The following LHFPL3 variants were observed in gnomAD, a reference collection of about 807,000 sequenced individuals.
The protein encoded by LHFPL3 is LHFPL tetraspan subfamily member 3 protein.
Under a neutral mutation model 19.3 loss-of-function variants are expected in LHFPL3, and 5 were observed. The ratio of observed to expected loss-of-function variants is 0.26; its 90% CI spans 0.14 to 0.54. The LOEUF (loss-of-function observed/expected upper bound fraction) is 0.54, where lower values mean the gene tolerates loss of function less well. LHFPL3 is among the 20% of genes least tolerant of loss of function. The pLI, the probability that LHFPL3 is intolerant of heterozygous loss-of-function variation, is 0.94. For synonymous variants in LHFPL3, 133 were observed against 126.2 expected (o/e 1.05, Z -0.36); for missense variants, 249 against 307.4 (o/e 0.81, Z 1.42).
At chr7:104,564,502 A>C (rs1790080985) in intron 1 of LHFPL3, among the ~76,000 whole-genome samples, 3 of 152,210 alleles carry the variant, frequency 2.0e-5, no homozygotes, top group Admixed American at 2.0e-4. Flanking sequence ...CACATATTTG[A>C]ATAATATTAT....
chr7:104,514,184 C>G (rs1010438130), intron 1 of LHFPL3, among the ~76,000 whole-genome samples: 1 of 151,388 alleles, frequency 6.6e-6, no homozygotes, highest in African/African-American at 2.4e-5. Flanking sequence ...ATTCAAGAAG[C>G]TCTCTCTCTC....
intron 1 of LHFPL3, among the ~76,000 whole-genome samples, chr7:104,622,076 G>C (rs2115806623): frequency 6.6e-6 from 1 of 152,146 alleles, no homozygotes; most frequent in Non-Finnish European, 1.5e-5. Flanking sequence ...TCCAAAGTTG[G>C]CTGCAACAAT....
intron 2 of LHFPL3, among the ~76,000 whole-genome samples, chr7:104,774,856 T>G (rs1794614832): frequency 6.6e-6 from 1 of 152,182 alleles, no homozygotes; most frequent in Admixed American, 6.5e-5. Context: ...GCAAAACATA[T>G]GAGTTTTAGC....
At chr7:104,788,086 G>A (rs558419600) in intron 2 of LHFPL3, among the ~76,000 whole-genome samples, 3 of 152,304 alleles carry the variant, frequency 2.0e-5, no homozygotes, top group South Asian at 2.1e-4. Flanking sequence ...ATGTGGTGCC[G>A]TAGGAAGAAT....
intron 2 of LHFPL3, among the ~76,000 whole-genome samples, chr7:104,854,116 G>A (rs941354029): frequency 2.6e-5 from 4 of 152,236 alleles, no homozygotes; most frequent in African/African-American, 4.8e-5. Flanking sequence ...ATAACTTCAC[G>A]TATACATAGG....
chr7:104,815,592 AT>A (rs2116511294), intron 2 of LHFPL3, among the ~76,000 whole-genome samples: 1 of 152,298 alleles, frequency 6.6e-6, no homozygotes, highest in South Asian at 2.1e-4. Context: ...CATTACAATG[AT>A]TTACCCAAAG....
chr7:104,633,028 G>T (rs1562954590), intron 1 of LHFPL3, among the ~76,000 whole-genome samples: 2 of 152,076 alleles, frequency 1.3e-5, no homozygotes, highest in Non-Finnish European at 2.9e-5. Context: ...AGAATACGTG[G>T]TTTTTTTAAG....
rs145609097 is a variant in LHFPL3 at position 104,593,335 on chromosome 7, G to C, written c.446-143340G>C. Among the ~76,000 whole-genome samples the C allele has an allele frequency of 4.1e-3, 619 of 152,304 alleles. 33 individuals are homozygous for C. The East Asian group carries it at 0.099, about 24-fold the overall frequency. ...CAGGAGCAGGTTGTTCAGTTTCGAT[G>C]TAGTTGAGTGGTTTTGAGTGAGTTT... is the stretch of plus-strand genomic sequence containing the variant. On this transcript the variant is annotated intron_variant, in intron 1 of 2. Transcript: ENST00000424859.
chr7:104,718,518 T>A (rs897518439), intron 1 of LHFPL3, among the ~76,000 whole-genome samples: 1 of 152,176 alleles, frequency 6.6e-6, no homozygotes, highest in Non-Finnish European at 1.5e-5. Context: ...TGGCCTTGTC[T>A]AATTTCAGCC....
At chr7:104,568,199 A>G (rs1348219152) in intron 1 of LHFPL3, among the ~76,000 whole-genome samples, 1 of 152,094 alleles carries the variant, frequency 6.6e-6, no homozygotes, top group African/African-American at 2.4e-5. Flanking sequence ...TCACATTCAG[A>G]CTCTATAAAG....
intron 1 of LHFPL3, among the ~76,000 whole-genome samples, chr7:104,728,741 C>T (rs75218722): frequency 1.2e-4 from 19 of 152,198 alleles, no homozygotes; most frequent in Non-Finnish European, 2.1e-4. Flanking sequence ...ACTCATTTTT[C>T]GCCTCTTCTC....
At chr7:104,796,181 C>T (rs139285913) in intron 2 of LHFPL3, among the ~76,000 whole-genome samples, 4 of 152,318 alleles carry the variant, frequency 2.6e-5, no homozygotes, top group African/African-American at 7.2e-5. Context: ...GAAGTCACAA[C>T]GCTCCTGGTG....
chr7:104,554,899 C>G (rs1467486531), intron 1 of LHFPL3, among the ~76,000 whole-genome samples: 1 of 152,128 alleles, frequency 6.6e-6, no homozygotes, highest in East Asian at 1.9e-4. Context: ...AGTGAAAGTC[C>G]CAGAGTCAGA....
chr7:104,675,850 C>T (rs1584475203), intron 1 of LHFPL3, among the ~76,000 whole-genome samples: 1 of 151,940 alleles, frequency 6.6e-6, no homozygotes, highest in South Asian at 2.1e-4. Context: ...CAGGACTTCC[C>T]TTTTAGATAT....
chr7:104,692,470 G>C (rs1007078476), intron 1 of LHFPL3, among the ~76,000 whole-genome samples: 1 of 152,238 alleles, frequency 6.6e-6, no homozygotes, highest in Admixed American at 6.5e-5. Context: ...CCAGGGTCTT[G>C]CTGCTTTGTG....
In LHFPL3 at chr7:104,631,407, C is replaced by T. The variant is rs527301264; in HGVS notation, c.446-105268C>T. On this transcript the variant is annotated intron_variant, in intron 1 of 2. Transcript: ENST00000424859. ...ATTGGCCCTTGAAAGGAGCATGACC[C>T]GTGGCTGAGAATCAGTGGTCAAAAC... 4.6e-5 allele frequency among the ~76,000 whole-genome samples: 7 copies of T among 152,130 alleles called. No individual in the cohort carries two copies. In the South Asian group the frequency reaches 1.2e-3, roughly 27 times the overall value.
At chr7:104,842,290 G>A (rs781276813) in intron 2 of LHFPL3, among the ~76,000 whole-genome samples, 4 of 144,822 alleles carry the variant, frequency 2.8e-5, no homozygotes, top group East Asian at 2.2e-4. Context: ...AACCTTTTGC[G>A]GGGGTGGGGG....
chr7:104,471,152 GGT>G (rs1474149460), intron 1 of LHFPL3, among the ~76,000 whole-genome samples: 3 of 152,010 alleles, frequency 2.0e-5, no homozygotes, highest in East Asian at 1.9e-4. Flanking sequence ...CTTTCTATAC[GGT>G]GTGTGTATTT....
chr7:104,602,111 C>A (rs1218151360), intron 1 of LHFPL3, among the ~76,000 whole-genome samples: 1 of 146,358 alleles, frequency 6.8e-6, no homozygotes, highest in African/African-American at 2.5e-5. Flanking sequence ...ACCTCCACCT[C>A]CTGGATTCAA....
Sources: gnomAD v4.1 joint callset for allele counts (sites outside exome capture counted in the v4.1 genomes callset) on GRCh38, gnomAD v4.1.1 for gene constraint, MANE v1.5 for transcripts, NCBI Gene and HGNC (gene_info 2026-07-23, HGNC 2026-07-21) for gene names.